PIP4K2A: variants seen among roughly 807,000 people sequenced by gnomAD.
PIP4K2A encodes the protein phosphatidylinositol-5-phosphate 4-kinase type 2 alpha.
A neutral mutation model predicts 42.9 loss-of-function variants in PIP4K2A; 14 were observed. That is an observed-to-expected ratio of 0.33 (90% CI 0.22 to 0.51). PIP4K2A has a LOEUF of 0.51. Among genes scored for constraint, PIP4K2A ranks in the 20% least tolerant of loss-of-function variants. The pLI is 0.97. For synonymous variants in PIP4K2A, 192 were observed against 192.2 expected (o/e 1.00, Z 0.01); for missense variants, 434 against 519.8 (o/e 0.83, Z 1.61).
At chr10:22,554,065 C>A (rs1043725067) in intron 6 of PIP4K2A, among the ~76,000 whole-genome samples, 10 of 151,800 alleles carry the variant, frequency 6.6e-5, no homozygotes, top group African/African-American at 2.4e-4. Context: ...CGCTTGAGCC[C>A]GGGAGGTCAA....
intron 5 of PIP4K2A, 66 bp from the exon 6 acceptor site, chr10:22,567,955 T>C (rs1836889301): frequency 2.1e-6 from 3 of 1,403,680 alleles, no homozygotes; most frequent in South Asian, 2.3e-5. Flanking sequence ...GCAGAAAATA[T>C]GAAAATGGCT....
At chr10:22,682,314 ACTATCAGGCCTACTCATTT>A (rs1839680300) in intron 1 of PIP4K2A, among the ~76,000 whole-genome samples, 1 of 152,192 alleles carries the variant, frequency 6.6e-6, no homozygotes, top group Non-Finnish European at 1.5e-5. Flanking sequence ...TAACCTAGCA[ACTATCAGGCCTACTCATTT>A]CCTCTGCCAG....
At chr10:22,552,229 G>A (rs558919060) in intron 6 of PIP4K2A, among the ~76,000 whole-genome samples, 6 of 152,162 alleles carry the variant, frequency 3.9e-5, no homozygotes, top group African/African-American at 4.8e-5. Flanking sequence ...AATCTCGTAC[G>A]GGAGAATGAT....
At chr10:22,616,909 T>C (rs1838188365) in intron 1 of PIP4K2A, among the ~76,000 whole-genome samples, 1 of 152,244 alleles carries the variant, frequency 6.6e-6, no homozygotes, top group Non-Finnish European at 1.5e-5. Flanking sequence ...CATTAAATCT[T>C]AATGAATCAT....
At chr10:22,703,671 G>A (rs1450247958) in intron 1 of PIP4K2A, among the ~76,000 whole-genome samples, 1 of 152,168 alleles carries the variant, frequency 6.6e-6, no homozygotes, top group Non-Finnish European at 1.5e-5. Flanking sequence ...TTTAACTGAG[G>A]ACATGACATG....
intron 6 of PIP4K2A, among the ~76,000 whole-genome samples, chr10:22,552,180 A>G (rs1352791429): frequency 2.0e-5 from 3 of 152,202 alleles, no homozygotes; most frequent in Non-Finnish European, 4.4e-5. Flanking sequence ...AGAGATGCAA[A>G]TATGAATAGG....
At chr10:22,663,520 A>G (rs953997350) in intron 1 of PIP4K2A, among the ~76,000 whole-genome samples, 1 of 152,238 alleles carries the variant, frequency 6.6e-6, no homozygotes, top group Non-Finnish European at 1.5e-5. Flanking sequence ...TATATATTAT[A>G]TTTGTAAACT....
chr10:22,567,923 TGG>T (rs769735282), intron 5 of PIP4K2A, 34 bp from the exon 6 acceptor site: 3 of 1,559,984 alleles, frequency 1.9e-6, no homozygotes, highest in African/African-American at 2.7e-5. Flanking sequence ...AACATGCGCA[TGG>T]GAGGCATTGG....
At chr10:22,585,806 G>A (rs115403107) in intron 4 of PIP4K2A, among the ~76,000 whole-genome samples, 118 of 152,160 alleles carry the variant, frequency 7.8e-4, no homozygotes, top group African/African-American at 2.8e-3. Context: ...GTGTTGGCTA[G>A]GCTGGTCTTG....
intron 1 of PIP4K2A, among the ~76,000 whole-genome samples, chr10:22,611,016 G>T (rs1838023066): frequency 6.6e-6 from 1 of 152,122 alleles, no homozygotes; most frequent in South Asian, 2.1e-4. Flanking sequence ...AAATTATACA[G>T]AAATAGAAGA....
At chr10:22,605,029 C>G (rs973427660) in intron 3 of PIP4K2A, among the ~76,000 whole-genome samples, 1 of 152,156 alleles carries the variant, frequency 6.6e-6, no homozygotes, top group Non-Finnish European at 1.5e-5. Flanking sequence ...GACTGGGATA[C>G]AGCCCCAGAT....
intron 1 of PIP4K2A, among the ~76,000 whole-genome samples, chr10:22,621,583 TG>T (rs1838332181): frequency 6.6e-6 from 1 of 152,208 alleles, no homozygotes; most frequent in African/African-American, 2.4e-5. Flanking sequence ...TACCTAAATC[TG>T]GCTAGCCATG....
intron 1 of PIP4K2A, among the ~76,000 whole-genome samples, chr10:22,699,128 T>C (rs543737430): frequency 3.3e-5 from 5 of 152,340 alleles, no homozygotes; most frequent in African/African-American, 1.2e-4. Flanking sequence ...CCTCCTACTT[T>C]GGCGCAACGT....
intron 7 of PIP4K2A, among the ~76,000 whole-genome samples, chr10:22,543,667 C>T (rs765348616): frequency 5.9e-5 from 9 of 152,214 alleles, no homozygotes; most frequent in African/African-American, 9.6e-5. Context: ...CCTAGAATCT[C>T]GGCAGCTGCC....
At chr10:22,545,707 TTTTC>T (rs1170688885) in intron 7 of PIP4K2A, among the ~76,000 whole-genome samples, 7 of 152,150 alleles carry the variant, frequency 4.6e-5, no homozygotes, top group Non-Finnish European at 8.8e-5. Context: ...ATTGCACATG[TTTTC>T]TTTTTGTTTA....
At chr10:22,645,991 G>C (rs1041806116) in intron 1 of PIP4K2A, among the ~76,000 whole-genome samples, 1 of 152,090 alleles carries the variant, frequency 6.6e-6, no homozygotes, top group Non-Finnish European at 1.5e-5. Context: ...CAAAGTGCTG[G>C]GATTATAGGT....
intron 1 of PIP4K2A, among the ~76,000 whole-genome samples, chr10:22,650,419 C>T (rs1024193146): frequency 6.6e-6 from 1 of 152,124 alleles, no homozygotes. Context: ...CTACACCCAG[C>T]TAATTTTTGT....
At chr10:22,602,605 C>T (rs115125121) in intron 3 of PIP4K2A, among the ~76,000 whole-genome samples, 21 of 152,202 alleles carry the variant, frequency 1.4e-4, no homozygotes, top group African/African-American at 5.1e-4. Flanking sequence ...CATCCAAATA[C>T]CTTCACATTT....
At position 22,691,650 on chromosome 10, in the gene PIP4K2A, T is replaced by C. The variant is rs376152603; in HGVS notation, c.144+22533A>G. On this transcript the variant is annotated intron_variant, in intron 1 of 9. Transcript: ENST00000376573. ...ATTCCACAGTGAGGTGGCTCTCCCA[T>C]TGCGTCATTTGCTATGTTTCCAGGT... The C allele has an allele frequency of 4.6e-5, 7 of 152,334 alleles. No individual in the cohort carries two copies. The East Asian group carries it at 1.3e-3, about 29-fold the overall frequency. 9.4% of individuals were successfully genotyped at this position (152,334 alleles called of 1,614,324 possible).
Sources: allele counts gnomAD v4.1 joint callset (sites outside exome capture counted in the v4.1 genomes callset), GRCh38; gene constraint gnomAD v4.1.1; transcripts MANE v1.5; gene names NCBI Gene and HGNC (gene_info 2026-07-23, HGNC 2026-07-21).